Variants in SPAG16 observed in about 807,000 individuals in gnomAD.
SPAG16 encodes sperm associated antigen 16.
Under a neutral mutation model 80.4 loss-of-function variants are expected in SPAG16, and 86 were observed. That is an observed-to-expected ratio of 1.07 (90% CI 0.90 to 1.28). SPAG16 has a LOEUF of 1.28. SPAG16 is among the 50% of genes most tolerant of loss of function. The probability of loss-of-function intolerance (pLI) is 0.00; values close to 1 mark genes in which losing one functional copy is unlikely to be tolerated. For synonymous variants in SPAG16, 294 were observed against 265.9 expected, an observed-to-expected ratio of 1.11 and a Z score of -1.03; for missense variants, 870 against 765.3, an observed-to-expected ratio of 1.14 and a Z score of -1.61.
chr2:213,756,310 G>A (rs1224588667), intron 10 of SPAG16, among the ~76,000 whole-genome samples: 12 of 152,076 alleles, frequency 7.9e-5, no homozygotes, highest in East Asian at 3.9e-4. Context: ...GTAAAACCCC[G>A]TCTCAAAAAA....
intron 10 of SPAG16, among the ~76,000 whole-genome samples, chr2:213,826,829 G>T (rs765233637): frequency 2.0e-5 from 3 of 151,956 alleles, no homozygotes; most frequent in African/African-American, 2.4e-5. Flanking sequence ...AGTGCTCAAA[G>T]TGAGGCATTG....
At chr2:214,403,601 C>T (rs150051650) in intron 15 of SPAG16, among the ~76,000 whole-genome samples, 3,315 of 152,090 alleles carry the variant, frequency 0.022, 56 homozygotes, top group Middle Eastern at 0.044. Flanking sequence ...GGATATTACA[C>T]GTATAACCTA....
At chr2:213,586,485 A>T (rs187899024) in intron 10 of SPAG16, among the ~76,000 whole-genome samples, 1 of 152,206 alleles carries the variant, frequency 6.6e-6, no homozygotes, top group East Asian at 1.9e-4. Flanking sequence ...ATTTCAAAAT[A>T]CAGATTTTGG....
intron 10 of SPAG16, among the ~76,000 whole-genome samples, chr2:213,804,880 C>T (rs957234545): frequency 6.6e-6 from 1 of 152,120 alleles, no homozygotes; most frequent in African/African-American, 2.4e-5. Context: ...GGCCAATTCA[C>T]GTCGTGCCTC....
intron 15 of SPAG16, among the ~76,000 whole-genome samples, chr2:214,182,246 A>G (rs1190671324): frequency 2.0e-5 from 3 of 151,754 alleles, no homozygotes; most frequent in Admixed American, 1.3e-4. Context: ...CTCTGTTGTT[A>G]TCAGTTTGTT....
At chr2:213,608,592 G>A (rs1311534245) in intron 10 of SPAG16, among the ~76,000 whole-genome samples, 2 of 152,164 alleles carry the variant, frequency 1.3e-5, no homozygotes, top group Non-Finnish European at 2.9e-5. Context: ...ATTTGGGTTG[G>A]TTCCAAGTCT....
At chr2:214,234,736 T>C (rs185073768) in intron 15 of SPAG16, among the ~76,000 whole-genome samples, 265 of 152,234 alleles carry the variant, frequency 1.7e-3, no homozygotes, top group African/African-American at 6.1e-3. Context: ...ATGGGGTTGT[T>C]TTTTTCTTGT....
chr2:213,911,852 ATAC>A (rs1003311179), intron 11 of SPAG16, among the ~76,000 whole-genome samples: 3 of 149,072 alleles, frequency 2.0e-5, no homozygotes, highest in African/African-American at 7.4e-5. Flanking sequence ...AAAAAAAAAA[ATAC>A]ACACACGCAC....
At chr2:213,533,951 A>G (rs1002020066) in intron 10 of SPAG16, among the ~76,000 whole-genome samples, 3 of 152,204 alleles carry the variant, frequency 2.0e-5, no homozygotes, top group African/African-American at 7.2e-5. Flanking sequence ...ATGATATTTC[A>G]TCTTATGTAC....
intron 10 of SPAG16, among the ~76,000 whole-genome samples, chr2:213,776,180 C>T (rs185584760): frequency 9.9e-5 from 15 of 152,266 alleles, no homozygotes; most frequent in Admixed American, 9.2e-4. Flanking sequence ...TAAGTTAGAG[C>T]CCTGATTTGT....
chr2:214,344,116 T>C (rs1697903658), intron 15 of SPAG16, among the ~76,000 whole-genome samples: 1 of 152,202 alleles, frequency 6.6e-6, no homozygotes, highest in African/African-American at 2.4e-5. Context: ...TGCTGTTCTA[T>C]ATTCAAGAGA....
At chr2:213,758,804 A>G (rs761869101) in intron 10 of SPAG16, among the ~76,000 whole-genome samples, 5 of 152,212 alleles carry the variant, frequency 3.3e-5, no homozygotes, top group Admixed American at 2.0e-4. Flanking sequence ...ATAAACATTC[A>G]AGAAATCCAA....
At chr2:214,114,204 G>T (rs2053819609) in intron 14 of SPAG16, among the ~76,000 whole-genome samples, 2 of 152,092 alleles carry the variant, frequency 1.3e-5, no homozygotes, top group African/African-American at 4.8e-5. Flanking sequence ...TGGAAGCTTT[G>T]TCCTAGAGGG....
intron 10 of SPAG16, among the ~76,000 whole-genome samples, chr2:213,743,110 AGCGAGGATGGTCTCT>A (rs1352315284): frequency 1.8e-5 from 2 of 110,954 alleles, no homozygotes; most frequent in Admixed American, 9.9e-5. Flanking sequence ...TCACTGTGTT[AGCGAGGATGGTCTCT>A]ATCTCCTGAC....
intron 15 of SPAG16, among the ~76,000 whole-genome samples, chr2:214,390,754 G>A (rs533549464): frequency 3.4e-4 from 52 of 152,132 alleles, no homozygotes; most frequent in African/African-American, 1.1e-3. Flanking sequence ...TAGAGCCAAG[G>A]GGAAAGTTAC....
intron 10 of SPAG16, among the ~76,000 whole-genome samples, chr2:213,829,168 C>G (rs180995374): frequency 1.4e-4 from 22 of 152,248 alleles, no homozygotes; most frequent in Admixed American, 1.2e-3. Flanking sequence ...TGTCTGGGAG[C>G]CAGGGCCTAG....
chr2:214,138,237 A>T (rs1046604886), intron 14 of SPAG16, among the ~76,000 whole-genome samples: 16 of 152,124 alleles, frequency 1.1e-4, no homozygotes, highest in African/African-American at 3.9e-4. Context: ...CAACAAGGGG[A>T]CCTGGCTAGG....
intron 10 of SPAG16, among the ~76,000 whole-genome samples, chr2:213,591,862 G>C (rs2060704611): frequency 6.6e-6 from 1 of 152,166 alleles, no homozygotes; most frequent in African/African-American, 2.4e-5. Context: ...GGTGGAGGAT[G>C]AGGAACCCGA....
intron 15 of SPAG16, among the ~76,000 whole-genome samples, chr2:214,393,322 C>T (rs1428108857): frequency 6.6e-6 from 1 of 152,130 alleles, no homozygotes; most frequent in Non-Finnish European, 1.5e-5. Context: ...CAAAATTTGG[C>T]TTTGTCTTGC....
Sources: allele counts gnomAD v4.1 joint callset (sites outside exome capture counted in the v4.1 genomes callset), GRCh38; gene constraint gnomAD v4.1.1; transcripts MANE v1.5; gene names NCBI Gene and HGNC (gene_info 2026-07-23, HGNC 2026-07-21).